Variants in CEP126 observed in about 807,000 individuals in gnomAD.
CEP126 encodes centrosomal protein of 126 kDa.
Under a neutral mutation model 107.8 loss-of-function variants are expected in CEP126, and 74 were observed. The observed-to-expected ratio is 0.69, with a 90% confidence interval of 0.57 to 0.83. The LOEUF (loss-of-function observed/expected upper bound fraction) is 0.83. CEP126 is among the 40% of genes least tolerant of loss of function. CEP126 has a pLI of 0.00. For missense variants in CEP126, 1,237 were observed against 1,281.9 expected (o/e 0.96, Z 0.53); for synonymous variants, 449 against 446.0 (o/e 1.01, Z -0.08).
At position 101,986,845 on chromosome 11, in the gene CEP126, T is replaced by A; in HGVS notation, c.3048T>A (p.Thr1016=). The A allele has an allele frequency of 6.2e-7, 1 of 1,613,530 alleles. No homozygotes were observed. The highest frequency in any genetic ancestry group is 8.5e-7 in the Non-Finnish European group (1 of 1,179,612). ...TSYIEEVSDS[T]SEFLMAENLV... is the part of the protein sequence containing the mutation. ...AAGTTTCTGTAGTTTCAGATAGTAC[T>A]TCTGAGTTTTTGATGGCTGAAAACT... The change falls in exon 9 of 11, where the codon ACT becomes ACA. Residue 1016 remains threonine (T), a synonymous_variant. Coordinates refer to ENST00000263468, the MANE Select transcript of CEP126 (RefSeq NM_020802.4).
At chr11:101,930,438 G>A (rs572565035) in intron 2 of CEP126, among the ~76,000 whole-genome samples, 17 of 152,042 alleles carry the variant, frequency 1.1e-4, no homozygotes, top group South Asian at 4.1e-4. Context: ...TCGTGGTCTC[G>A]CTGACTTCAG....
intron 10 of CEP126, among the ~76,000 whole-genome samples, chr11:101,997,087 G>A (rs1311714996): frequency 6.6e-6 from 1 of 152,034 alleles, no homozygotes; most frequent in Admixed American, 6.6e-5. Context: ...ACCCAGGCTG[G>A]AGTACAGTGG....
At chr11:101,959,667 G>C (rs1374341804) in intron 5 of CEP126, among the ~76,000 whole-genome samples, 2 of 152,040 alleles carry the variant, frequency 1.3e-5, no homozygotes, top group African/African-American at 2.4e-5. Flanking sequence ...TATTTTCAAG[G>C]AATTAAAGTA....
chr11:101,963,103 A>G lies in CEP126; in HGVS notation c.2068A>G (p.Arg690Gly), dbSNP rs1278782914. ...AVNSADTKKS[R>G]EDSISENVTT... ...AAATTCTGCTGATACAAAGAAGTCCAGGGAGGATTCTATCTCTGAAAATGT... is the reference window on the plus strand; with the variant it reads ...AAATTCTGCTGATACAAAGAAGTCCGGGGAGGATTCTATCTCTGAAAATGT... The change falls in exon 6 of 11, where the codon AGG becomes GGG. Residue 690 changes from arginine (R) to glycine (G), a missense_variant. Coordinates refer to ENST00000263468, the MANE Select transcript of CEP126 (RefSeq NM_020802.4). 1 of 1,614,164 alleles carries G rather than the reference A, an allele frequency of 6.2e-7. No homozygotes were observed. Among genetic ancestry groups the G allele is most frequent in the East Asian group, 2.2e-5 (1 of 44,876 alleles).
At chr11:101,934,336 T>G (rs750853819) in intron 2 of CEP126, among the ~76,000 whole-genome samples, 4 of 152,040 alleles carry the variant, frequency 2.6e-5, no homozygotes, top group Non-Finnish European at 5.9e-5. Context: ...ACGCATTCAA[T>G]GGCACATCAC....
intron 2 of CEP126, among the ~76,000 whole-genome samples, chr11:101,935,215 GAT>G (rs1210296596): frequency 6.6e-6 from 1 of 151,612 alleles, no homozygotes; most frequent in Non-Finnish European, 1.5e-5. Context: ...TGAATTGTAA[GAT>G]ATATATATAG....
rs138548520 is a variant in CEP126, at chr11:101,976,175, T to C, written c.2846-2172T>C. The stretch of plus-strand genomic sequence containing the variant: ...TCGCCAAACTGCTTTCTACAATGGC[T>C]GAACTAATTTAGATTCCCACCAGCA... On this transcript the variant is annotated intron_variant, in intron 6 of 10. Transcript: ENST00000263468. Among the ~76,000 whole-genome samples, 127 of 152,372 alleles carry C rather than the reference T, an allele frequency of 8.3e-4. 1 individual carries two copies. The highest frequency in any genetic ancestry group is 2.9e-3 in the African/African-American group (122 of 41,590).
rs1941319587 is a variant in CEP126, at chr11:101,986,681, T to C, written c.3035-151T>C. ...ATGCTAGATAGAGGATCCTGATAAA[T>C]GAAATCAAAGTAGCAGATATTTGCT... On this transcript the variant is annotated intron_variant, in intron 8 of 10. Coordinates refer to ENST00000263468, the MANE Select transcript of CEP126 (RefSeq NM_020802.4). 1.1e-5 allele frequency: 6 copies of C among 560,108 alleles called. 1 individual carries two copies. The South Asian group carries it at 1.6e-4, about 15-fold the overall frequency. 34.7% of individuals were successfully genotyped at this position (560,108 alleles called of 1,614,324 possible).
At chr11:101,983,820 G>A (rs1267389763) in intron 8 of CEP126, among the ~76,000 whole-genome samples, 4 of 152,184 alleles carry the variant, frequency 2.6e-5, no homozygotes, top group Non-Finnish European at 4.4e-5. Flanking sequence ...TCACGCCCAA[G>A]TGTAAATTTG....
chr11:101,982,786 T>C (rs1215014916), intron 8 of CEP126, among the ~76,000 whole-genome samples: 4 of 152,164 alleles, frequency 2.6e-5, no homozygotes, highest in Admixed American at 1.3e-4. Context: ...AATCCAAATA[T>C]TTCAAAATCA....
chr11:101,915,515 T>C (rs1471148333), intron 1 of CEP126, 103 bp downstream of exon 1: 3 of 1,406,204 alleles, frequency 2.1e-6, no homozygotes. Flanking sequence ...TGATCAAAAC[T>C]AGCAAGTCAT....
At chr11:101,935,921 G>A (rs1360500291) in intron 2 of CEP126, among the ~76,000 whole-genome samples, 3 of 152,016 alleles carry the variant, frequency 2.0e-5, no homozygotes, top group African/African-American at 7.2e-5. Flanking sequence ...CACTTGAGGG[G>A]GAAGGGGCAA....
chr11:101,923,731 T>C (rs1014781965), intron 2 of CEP126, among the ~76,000 whole-genome samples: 1 of 152,206 alleles, frequency 6.6e-6, no homozygotes, highest in African/African-American at 2.4e-5. Flanking sequence ...GTGACAGGTG[T>C]TCAGTAAAGA....
intron 2 of CEP126, among the ~76,000 whole-genome samples, chr11:101,942,111 G>A (rs1940673448): frequency 6.6e-6 from 1 of 151,804 alleles, no homozygotes; most frequent in Non-Finnish European, 1.5e-5. Flanking sequence ...TGGTGTCCTT[G>A]GATCCACAAA....
chr11:101,991,408 C>T (rs866680049), intron 9 of CEP126, among the ~76,000 whole-genome samples: 4 of 151,922 alleles, frequency 2.6e-5, no homozygotes, highest in African/African-American at 9.7e-5. Flanking sequence ...AGAAAAAAAA[C>T]ACTATCAAGG....
chr11:101,965,123 G>A (rs909809742), intron 6 of CEP126, among the ~76,000 whole-genome samples: 2 of 151,992 alleles, frequency 1.3e-5, no homozygotes, highest in African/African-American at 2.4e-5. Context: ...GCCCTTACTA[G>A]CTGGTCGACT....
chr11:101,963,755 G>T lies in CEP126; in HGVS notation c.2720G>T (p.Cys907Phe). The change falls in exon 6 of 11, where the codon TGC becomes TTC. Residue 907 changes from cysteine to phenylalanine, a missense_variant. Cys to Phe is a radical substitution (Grantham distance 205). Around this residue, in one of 3 missense-constraint regions of CEP126, gnomAD observed 1,134 missense variants for 1,150.5 expected, o/e 0.99. Transcript: ENST00000263468. ...GCCCGGCAAGATGCGACATTATATT[G>T]CACCCAAAGAAGTCCTGTTTGTGAA... ...AVARQDATLYCTQRSPVCEES... is the reference protein window; with the variant it reads ...AVARQDATLYFTQRSPVCEES... 1 of 1,614,026 alleles carries T rather than the reference G, an allele frequency of 6.2e-7. No homozygotes were observed. The highest frequency in any genetic ancestry group is 8.5e-7 in the Non-Finnish European group (1 of 1,179,990).
At chr11:101,975,459 A>T (rs1298215200) in intron 6 of CEP126, among the ~76,000 whole-genome samples, 4 of 152,182 alleles carry the variant, frequency 2.6e-5, no homozygotes, top group Admixed American at 1.3e-4. Context: ...TAAGAGCTAG[A>T]AGTTTAGATT....
intron 10 of CEP126, among the ~76,000 whole-genome samples, chr11:101,994,758 C>T (rs115550601): frequency 0.012 from 1,779 of 152,102 alleles, 35 homozygotes; most frequent in African/African-American, 0.041. Context: ...GTCATGGGAG[C>T]AGAAACAGGT....
Sources: allele counts gnomAD v4.1 joint callset (sites outside exome capture counted in the v4.1 genomes callset), GRCh38; gene constraint gnomAD v4.1.1; regional missense constraint gnomAD v4.1.1; transcripts MANE v1.5; gene names NCBI Gene and HGNC (gene_info 2026-07-23, HGNC 2026-07-21).